Variants in KLHL18 observed in about 807,000 individuals in gnomAD.
KLHL18 encodes the protein kelch like family member 18.
A neutral mutation model predicts 58.5 loss-of-function variants in KLHL18; 38 were observed. The ratio of observed to expected loss-of-function variants is 0.65; its 90% CI spans 0.50 to 0.85. The LOEUF is 0.85. Among genes scored for constraint, KLHL18 ranks in the 40% least tolerant of loss-of-function variants. The pLI, the probability that KLHL18 is intolerant of heterozygous loss-of-function variation, is 0.00. For missense variants in KLHL18, 624 were observed against 778.4 expected, an observed-to-expected ratio of 0.80 and a Z score of 2.36; for synonymous variants, 303 against 301.9, an observed-to-expected ratio of 1.00 and a Z score of -0.04.
intron 1 of KLHL18, among the ~76,000 whole-genome samples, chr3:47,305,334 G>T (rs1317636561): frequency 1.1e-3 from 74 of 70,362 alleles, no homozygotes; most frequent in South Asian, 6.7e-3. Context: ...ATTTTGTCAA[G>T]TTTTTTTTTT....
chr3:47,311,679 A>G (rs1367120523), intron 1 of KLHL18, among the ~76,000 whole-genome samples: 17 of 152,180 alleles, frequency 1.1e-4, no homozygotes, highest in Admixed American at 1.1e-3. Flanking sequence ...TGACAGAGCA[A>G]GACTCTGTCT....
At chr3:47,300,303 A>ATG (rs1354469547) in intron 1 of KLHL18, among the ~76,000 whole-genome samples, 1 of 146,410 alleles carries the variant, frequency 6.8e-6, no homozygotes, top group East Asian at 2.0e-4. Flanking sequence ...ATATATATAT[A>ATG]TATATATGTG....
intron 1 of KLHL18, among the ~76,000 whole-genome samples, chr3:47,296,234 T>G (rs1188568698): frequency 6.6e-6 from 1 of 152,216 alleles, no homozygotes; most frequent in Non-Finnish European, 1.5e-5. Context: ...ATGTAGATGG[T>G]TCGAGTGTTT....
chr3:47,298,073 A>G (rs1264522229), intron 1 of KLHL18, among the ~76,000 whole-genome samples: 1 of 152,130 alleles, frequency 6.6e-6, no homozygotes, highest in Non-Finnish European at 1.5e-5. Flanking sequence ...GAAGAGAGTC[A>G]TGGTGGGGGA....
chr3:47,291,561 A>G (rs1407872722), intron 1 of KLHL18, among the ~76,000 whole-genome samples: 1 of 152,276 alleles, frequency 6.6e-6, no homozygotes, highest in Non-Finnish European at 1.5e-5. Flanking sequence ...AAGCAGCTAT[A>G]CACAATGTAT....
chr3:47,283,089 C>G lies in KLHL18; in HGVS notation c.124C>G (p.Leu42Val), dbSNP rs1702505355. ...RRQGKLCDVT[L>V]KIGDHKFSAH... ...GCAGGGCAAGCTGTGCGACGTGACCCTCAAGGTACCGCGGACTGGGCGGCA... is the reference window on the plus strand; with the variant it reads ...GCAGGGCAAGCTGTGCGACGTGACCGTCAAGGTACCGCGGACTGGGCGGCA... Residue 42 changes from leucine to valine, a missense_variant, in exon 1 of 10, where the codon CTC becomes GTC. By Grantham distance (32) the Leu-to-Val change is conservative (BLOSUM62 1). Coordinates refer to ENST00000232766, the MANE Select transcript of KLHL18 (RefSeq NM_025010.5). 2 of 1,578,414 alleles carry G rather than the reference C, an allele frequency of 1.3e-6. No homozygotes were observed. Among genetic ancestry groups the G allele is most frequent in the Non-Finnish European group, 1.7e-6 (2 of 1,162,610 alleles).
At chr3:47,300,287 T>TTTTATA (rs1553630130) in intron 1 of KLHL18, among the ~76,000 whole-genome samples, 2 of 133,136 alleles carry the variant, frequency 1.5e-5, no homozygotes, top group East Asian at 2.1e-4. Context: ...CACCGGCATT[T>TTTTATA]TATATATATA....
intron 2 of KLHL18, 104 bp downstream of exon 2, chr3:47,319,887 C>A (rs1703545475): frequency 1.7e-6 from 2 of 1,190,994 alleles, no homozygotes; most frequent in Non-Finnish European, 2.4e-6. Flanking sequence ...TGTCTAATAG[C>A]CTAGCTCTAC....
chr3:47,300,585 G>GT (rs1038408662), intron 1 of KLHL18, among the ~76,000 whole-genome samples: 2 of 126,630 alleles, frequency 1.6e-5, no homozygotes, highest in African/African-American at 5.8e-5. Flanking sequence ...TATGATCACT[G>GT]TTTTTTATTT....
intron 3 of KLHL18, among the ~76,000 whole-genome samples, chr3:47,326,798 G>A (rs1703732766): frequency 6.6e-6 from 1 of 151,966 alleles, no homozygotes; most frequent in Non-Finnish European, 1.5e-5. Context: ...GCAGGCACCT[G>A]TAATCCCAGC....
chr3:47,288,246 A>G (rs1187149240), intron 1 of KLHL18, among the ~76,000 whole-genome samples: 1 of 146,474 alleles, frequency 6.8e-6, no homozygotes, highest in Admixed American at 6.8e-5. Context: ...AAAAAAAAAG[A>G]CTTTGCCAAC....
chr3:47,319,857 G>C, intron 2 of KLHL18, 74 bp downstream of exon 2: 1 of 1,519,392 alleles, frequency 6.6e-7, no homozygotes, highest in Non-Finnish European at 9.1e-7. Context: ...GTTCCGTTGA[G>C]GACCTGCAGC....
At chr3:47,288,030 T>C (rs546038615) in intron 1 of KLHL18, among the ~76,000 whole-genome samples, 1 of 151,930 alleles carries the variant, frequency 6.6e-6, no homozygotes, top group East Asian at 1.9e-4. Context: ...AGAACATCCA[T>C]GCCAACATGG....
At chr3:47,312,320 A>C (rs759877361) in intron 1 of KLHL18, among the ~76,000 whole-genome samples, 2 of 152,178 alleles carry the variant, frequency 1.3e-5, no homozygotes, top group African/African-American at 4.8e-5. Flanking sequence ...ACCTAACTCT[A>C]ATACTTTAAA....
chr3:47,319,075 T>C (rs71328931), intron 1 of KLHL18, among the ~76,000 whole-genome samples: 23 of 152,244 alleles, frequency 1.5e-4, no homozygotes, highest in Admixed American at 4.6e-4. Flanking sequence ...AGGCTAAGGG[T>C]GTGTCAGTGA....
At chr3:47,335,596 C>G (rs1277949499) in intron 6 of KLHL18, among the ~76,000 whole-genome samples, 3 of 152,140 alleles carry the variant, frequency 2.0e-5, no homozygotes, top group Non-Finnish European at 4.4e-5. Context: ...CAACCTCTGC[C>G]TCCCGGGTTC....
At chr3:47,293,869 T>C (rs1381066614) in intron 1 of KLHL18, among the ~76,000 whole-genome samples, 2 of 152,332 alleles carry the variant, frequency 1.3e-5, no homozygotes, top group African/African-American at 4.8e-5. Flanking sequence ...CAGTTGAAAC[T>C]CTGGGATTGT....
Position 47,334,951 on chromosome 3 carries a change from C to T in KLHL18, c.898+132C>T, listed in dbSNP as rs1703950524. On this transcript the variant is annotated intron_variant, in intron 6 of 9. Transcript: ENST00000232766. This position sits in a 1 kb window ranked among gnomAD's most constrained non-coding sequence, Gnocchi z 4.7. Reference sequence around the variant, plus strand: ...CACCCTTGCCCCTCTTGATTTTATACAATTGCTCTACAGTTAGAGCATGTC... The same window carrying T: ...CACCCTTGCCCCTCTTGATTTTATATAATTGCTCTACAGTTAGAGCATGTC... 6.8e-6 allele frequency: 6 copies of T among 877,702 alleles called. No homozygotes were observed. Among genetic ancestry groups the T allele is most frequent in the Non-Finnish European group, 1.0e-5 (6 of 580,982 alleles). 54.4% of individuals were successfully genotyped at this position (877,702 alleles called of 1,614,324 possible).
Position 47,334,656 on chromosome 3 carries a change from G to C in KLHL18, c.762-27G>C. On this transcript the variant is annotated intron_variant, in intron 5 of 9. Coordinates refer to ENST00000232766, the MANE Select transcript of KLHL18 (RefSeq NM_025010.5). This position sits in a 1 kb window ranked among gnomAD's most constrained non-coding sequence, Gnocchi z 4.7. ...GGACTAAGTCAGGGGGATACCTCCTGTTCTAGCATCTTCCACCTTATTCTA... is the reference window on the plus strand; with the variant it reads ...GGACTAAGTCAGGGGGATACCTCCTCTTCTAGCATCTTCCACCTTATTCTA... 6.2e-7 allele frequency: 1 copy of C among 1,613,680 alleles called. No individual in the cohort carries two copies. Among genetic ancestry groups the C allele is most frequent in the South Asian group, 1.1e-5 (1 of 91,060 alleles).
Sources: gnomAD v4.1 joint callset for allele counts (sites outside exome capture counted in the v4.1 genomes callset) on GRCh38, gnomAD v4.1.1 for gene constraint, Gnocchi (gnomAD v3.1) non-coding constraint, MANE v1.5 for transcripts, NCBI Gene and HGNC (gene_info 2026-07-23, HGNC 2026-07-21) for gene names.